The following SPAG6 variants were observed in gnomAD, a reference collection of about 807,000 sequenced individuals.
The protein encoded by SPAG6 is sperm-associated antigen 6.
SPAG6 carries 49 observed loss-of-function variants against 58.5 expected under a neutral mutation model. The observed-to-expected ratio is 0.84, with a 90% CI of 0.67 to 1.06. SPAG6 has a LOEUF of 1.06. Ranked by LOEUF, SPAG6 falls within the 50% of genes least tolerant of loss-of-function variation. The pLI, the probability that SPAG6 is intolerant of heterozygous loss-of-function variation, is 0.00. For synonymous variants in SPAG6, 233 were observed against 225.6 expected (o/e 1.03, Z -0.29); for missense variants, 560 against 611.3 (o/e 0.92, Z 0.89).
intron 10 of SPAG6, among the ~76,000 whole-genome samples, chr10:22,416,409 G>C (rs952545788): frequency 6.6e-6 from 1 of 152,094 alleles, no homozygotes; most frequent in Non-Finnish European, 1.5e-5. Context: ...TAAATGTTTT[G>C]CTACTTCTGT....
intron 8 of SPAG6, among the ~76,000 whole-genome samples, chr10:22,397,236 A>G (rs1358478228): frequency 6.6e-6 from 1 of 152,096 alleles, no homozygotes; most frequent in Non-Finnish European, 1.5e-5. Context: ...ACACACACAA[A>G]TCATAGAACT....
At position 22,416,883 on chromosome 10, in the gene SPAG6, C is replaced by T. The variant is rs915329225; in HGVS notation, c.*195C>T. On this transcript the variant is annotated 3_prime_UTR_variant, in exon 11 of 11. Transcript: ENST00000376624. The stretch of plus-strand genomic sequence containing the variant: ...ATGTGAGGAACTATTCATGGTCATT[C>T]GCATGCATAGGATTTGTTCTACAGG... 1.2e-5 allele frequency: 5 copies of T among 425,644 alleles called. No individual in the cohort carries two copies. Among genetic ancestry groups the T allele is most frequent in the Admixed American group, 3.7e-5 (1 of 26,992 alleles). The allele number at this position is 425,644 out of a possible 1,614,324, so 26.4% of individuals were successfully genotyped here.
intron 9 of SPAG6, among the ~76,000 whole-genome samples, chr10:22,409,646 C>G (rs1834676261): frequency 6.6e-6 from 1 of 152,162 alleles, no homozygotes; most frequent in South Asian, 2.1e-4. Context: ...GTGAAAAGAG[C>G]TGGTCCTTGC....
intron 2 of SPAG6, chr10:22,360,726 G>T (rs1837010738): frequency 9.0e-7 from 1 of 1,109,356 alleles, no homozygotes; most frequent in Admixed American, 2.5e-5. Flanking sequence ...CTTCAAGTGA[G>T]CCCCAGTGAT....
At chr10:22,359,659 C>T (rs916019725) in intron 2 of SPAG6, among the ~76,000 whole-genome samples, 4 of 152,094 alleles carry the variant, frequency 2.6e-5, no homozygotes, top group Non-Finnish European at 5.9e-5. Flanking sequence ...CTTAATTGTA[C>T]ACTTAAAATG....
At chr10:22,357,392 A>G (rs1367942737) in intron 2 of SPAG6, among the ~76,000 whole-genome samples, 2 of 152,114 alleles carry the variant, frequency 1.3e-5, no homozygotes, top group African/African-American at 2.4e-5. Context: ...TTCTTGATAG[A>G]TATATCTTGA....
At chr10:22,379,609 G>C (rs1833905040) in intron 4 of SPAG6, among the ~76,000 whole-genome samples, 1 of 152,148 alleles carries the variant, frequency 6.6e-6, no homozygotes, top group Non-Finnish European at 1.5e-5. Flanking sequence ...AGCCCCAGTT[G>C]ACTTCTTGAT....
At chr10:22,399,654 A>C (rs757692436) in intron 8 of SPAG6, among the ~76,000 whole-genome samples, 41 of 152,358 alleles carry the variant, frequency 2.7e-4, no homozygotes, top group Non-Finnish European at 4.7e-4. Context: ...AAGATAGTAA[A>C]GCTCAGTGAA....
chr10:22,361,698 A>G (rs1837043971), intron 2 of SPAG6, among the ~76,000 whole-genome samples: 1 of 152,204 alleles, frequency 6.6e-6, no homozygotes, highest in Non-Finnish European at 1.5e-5. Context: ...TCAAAAGAAA[A>G]AAAAGTTCCC....
intron 2 of SPAG6, 66 bp from the exon 3 acceptor site, chr10:22,364,787 C>A: frequency 8.1e-7 from 1 of 1,236,462 alleles, no homozygotes; most frequent in Non-Finnish European, 1.2e-6. Context: ...TGCATATATA[C>A]TGAATTGTAT....
chr10:22,355,737 TG>T (rs1836847122), intron 2 of SPAG6, among the ~76,000 whole-genome samples: 1 of 152,184 alleles, frequency 6.6e-6, no homozygotes, highest in South Asian at 2.1e-4. Context: ...TACCAAAATT[TG>T]TAATTTCTTA....
At chr10:22,389,495 G>A (rs1834138415) in intron 7 of SPAG6, among the ~76,000 whole-genome samples, 183 bp downstream of exon 7, 1 of 152,184 alleles carries the variant, frequency 6.6e-6, no homozygotes, top group Non-Finnish European at 1.5e-5. Context: ...GAAGTTTAAA[G>A]TTTTACTCAG....
intron 2 of SPAG6, among the ~76,000 whole-genome samples, chr10:22,348,731 A>T (rs892322981): frequency 1.3e-5 from 2 of 152,264 alleles, no homozygotes; most frequent in African/African-American, 4.8e-5. Flanking sequence ...CACTAATAAG[A>T]GAATTTGCTT....
chr10:22,390,128 A>G (rs1419757913), intron 7 of SPAG6, among the ~76,000 whole-genome samples: 1 of 152,066 alleles, frequency 6.6e-6, no homozygotes, highest in Non-Finnish European at 1.5e-5. Context: ...TTTATTTTCT[A>G]CCTATTTCTT....
intron 9 of SPAG6, among the ~76,000 whole-genome samples, chr10:22,404,693 G>C (rs1834505872): frequency 7.4e-6 from 1 of 135,068 alleles, no homozygotes; most frequent in Non-Finnish European, 1.6e-5. Flanking sequence ...GTAGCTTGAT[G>C]GGGATGGCAT....
chr10:22,370,378 C>T (rs2132057091), intron 4 of SPAG6, among the ~76,000 whole-genome samples: 1 of 152,286 alleles, frequency 6.6e-6, no homozygotes, highest in Non-Finnish European at 1.5e-5. Context: ...GTGGGCATTA[C>T]TCTCCCTGTT....
intron 2 of SPAG6, among the ~76,000 whole-genome samples, chr10:22,364,351 A>T (rs891110384): frequency 1.3e-5 from 2 of 152,218 alleles, no homozygotes; most frequent in African/African-American, 4.8e-5. Context: ...GGTGATGATG[A>T]TGATATACCT....
In SPAG6 at chr10:22,416,979, C is replaced by A; in HGVS notation, c.*291C>A. 4.1e-6 allele frequency: 1 copy of A among 242,918 alleles called. No homozygotes were observed. The highest frequency in any genetic ancestry group is 8.2e-6 in the Non-Finnish European group (1 of 122,580). The allele number at this position is 242,918 out of a possible 1,614,324, so 15.0% of individuals were successfully genotyped here. A position where few individuals can be genotyped will look rare whatever the true frequency, so the allele number is the denominator to read the frequency against. On this transcript the variant is annotated 3_prime_UTR_variant, in exon 11 of 11. Transcript: ENST00000376624. ...CTGTTAAAAACCACACACACTCGTACATGCAGACACCTCCAATGAGATATA... is the reference window on the plus strand; with the variant it reads ...CTGTTAAAAACCACACACACTCGTAAATGCAGACACCTCCAATGAGATATA...
intron 4 of SPAG6, among the ~76,000 whole-genome samples, chr10:22,386,504 A>C (rs1428778223): frequency 6.6e-6 from 1 of 152,142 alleles, no homozygotes; most frequent in Non-Finnish European, 1.5e-5. Flanking sequence ...AAAGAATAAC[A>C]AGCCATTTCA....
Sources: allele counts gnomAD v4.1 joint callset (sites outside exome capture counted in the v4.1 genomes callset), GRCh38; gene constraint gnomAD v4.1.1; transcripts MANE v1.5; gene names NCBI Gene and HGNC (gene_info 2026-07-23, HGNC 2026-07-21).